The following CNBD1 variants were observed in gnomAD, a reference collection of about 807,000 sequenced individuals.
The protein encoded by CNBD1 is cyclic nucleotide binding domain containing 1.
In CNBD1, 71 loss-of-function variants were observed where a neutral mutation model predicts 54.4. That is an observed-to-expected ratio of 1.30 (90% CI 1.08 to 1.59). The LOEUF is 1.59. Ranked by LOEUF, CNBD1 falls within the 40% of genes most tolerant of loss-of-function variation. The pLI is 0.00. For missense variants in CNBD1, 659 were observed against 518.0 expected (o/e 1.27, Z -2.64); for synonymous variants, 182 against 170.7 (o/e 1.07, Z -0.51).
intron 2 of CNBD1, among the ~76,000 whole-genome samples, chr8:86,898,782 C>T (rs1288811344): frequency 6.6e-6 from 1 of 151,998 alleles, no homozygotes; most frequent in African/African-American, 2.4e-5. Context: ...AGGTAATACA[C>T]CAAAAGCATG....
chr8:87,074,644 A>C (rs1810829777), intron 4 of CNBD1, among the ~76,000 whole-genome samples: 1 of 152,160 alleles, frequency 6.6e-6, no homozygotes, highest in Admixed American at 6.5e-5. Context: ...GTGAGGTCAC[A>C]CAATCACCTG....
chr8:87,088,163 CTT>C (rs1183101456), intron 4 of CNBD1, among the ~76,000 whole-genome samples: 1 of 152,040 alleles, frequency 6.6e-6, no homozygotes, highest in Non-Finnish European at 1.5e-5. Context: ...TTTTTTTCCC[CTT>C]TGTTTCAAAG....
At chr8:87,274,891 G>T (rs865956260) in intron 6 of CNBD1, among the ~76,000 whole-genome samples, 1 of 134,392 alleles carries the variant, frequency 7.4e-6, no homozygotes, top group Non-Finnish European at 1.6e-5. Flanking sequence ...TTCTTCTAGG[G>T]TTTTTATGGT....
intron 4 of CNBD1, among the ~76,000 whole-genome samples, chr8:86,951,436 T>A (rs1807618893): frequency 6.6e-6 from 1 of 151,256 alleles, no homozygotes; most frequent in Non-Finnish European, 1.5e-5. Context: ...TAAAAGTAGC[T>A]GGGTGTGGTG....
chr8:87,280,238 G>T (rs184956753), intron 6 of CNBD1, among the ~76,000 whole-genome samples: 1 of 151,684 alleles, frequency 6.6e-6, no homozygotes, highest in Non-Finnish European at 1.5e-5. Context: ...TTGGTTTTGA[G>T]AATGCACTTT....
At chr8:86,940,885 A>G (rs1809643549) in intron 4 of CNBD1, among the ~76,000 whole-genome samples, 2 of 152,228 alleles carry the variant, frequency 1.3e-5, no homozygotes, top group East Asian at 1.9e-4. Context: ...AACTGCCTAC[A>G]GTATACAGTA....
chr8:86,883,529 C>T (rs1010921635), intron 1 of CNBD1, among the ~76,000 whole-genome samples: 5 of 152,008 alleles, frequency 3.3e-5, no homozygotes, highest in South Asian at 4.1e-4. Context: ...CAATGCTTAA[C>T]GGAAGAAGAT....
chr8:86,956,305 G>GCTAT (rs200591866), intron 4 of CNBD1, among the ~76,000 whole-genome samples: 2,982 of 152,224 alleles, frequency 0.02, 98 homozygotes, highest in African/African-American at 0.061. Flanking sequence ...GATTGTCTTG[G>GCTAT]CTATGTGTGC....
chr8:86,940,485 A>G (rs1462299154), intron 4 of CNBD1, among the ~76,000 whole-genome samples: 1 of 152,028 alleles, frequency 6.6e-6, no homozygotes, highest in Non-Finnish European at 1.5e-5. Flanking sequence ...TTAATTTTCT[A>G]GAATACTTTG....
intron 3 of CNBD1, among the ~76,000 whole-genome samples, chr8:86,916,099 A>T (rs1000918057): frequency 1.3e-5 from 2 of 152,180 alleles, no homozygotes; most frequent in Non-Finnish European, 2.9e-5. Flanking sequence ...GGAGGAAGAT[A>T]TAAAATGGAG....
intron 4 of CNBD1, among the ~76,000 whole-genome samples, chr8:86,985,917 G>GT (rs1563848211): frequency 1.3e-5 from 2 of 151,972 alleles, no homozygotes; most frequent in South Asian, 2.1e-4. Context: ...TCACCTCATT[G>GT]TTTTTTTGTT....
intron 8 of CNBD1, among the ~76,000 whole-genome samples, chr8:87,309,795 C>T (rs536247053): frequency 6.6e-6 from 1 of 152,132 alleles, no homozygotes; most frequent in South Asian, 2.1e-4. Context: ...CTGTTATCCT[C>T]TTTCTTCTAA....
chr8:87,257,739 T>C (rs1808051163), intron 6 of CNBD1, among the ~76,000 whole-genome samples: 1 of 152,144 alleles, frequency 6.6e-6, no homozygotes, highest in Admixed American at 6.6e-5. Flanking sequence ...TAAGGGGTTA[T>C]CACAGGTAAT....
chr8:87,308,631 T>C (rs931933480), intron 8 of CNBD1, among the ~76,000 whole-genome samples: 2 of 152,202 alleles, frequency 1.3e-5, no homozygotes, highest in Non-Finnish European at 2.9e-5. Flanking sequence ...TTTTGAAATA[T>C]ACAGTATATT....
At chr8:87,361,862 G>T (rs1445486071) in intron 10 of CNBD1, among the ~76,000 whole-genome samples, 1 of 151,788 alleles carries the variant, frequency 6.6e-6, no homozygotes, top group East Asian at 1.9e-4. Context: ...AAAATTCTAT[G>T]TTCCTTGAAT....
At chr8:87,184,611 G>A (rs1813434557) in intron 4 of CNBD1, among the ~76,000 whole-genome samples, 1 of 152,154 alleles carries the variant, frequency 6.6e-6, no homozygotes, top group South Asian at 2.1e-4. Flanking sequence ...GAGGTCTATG[G>A]CTAGAGTGGG....
intron 4 of CNBD1, among the ~76,000 whole-genome samples, chr8:87,135,786 A>T (rs749263330): frequency 4.0e-5 from 6 of 151,596 alleles, no homozygotes; most frequent in Non-Finnish European, 8.8e-5. Context: ...AATGATTAGC[A>T]TCCTAAAACT....
At chr8:86,969,377 G>T (rs113511480) in intron 4 of CNBD1, among the ~76,000 whole-genome samples, 2,728 of 151,984 alleles carry the variant, frequency 0.018, 29 homozygotes, top group Non-Finnish European at 0.024. Flanking sequence ...CCCATTTTTT[G>T]CAGTGTCTTT....
intron 6 of CNBD1, among the ~76,000 whole-genome samples, chr8:87,253,143 A>T (rs1807943051): frequency 6.6e-6 from 1 of 152,128 alleles, no homozygotes; most frequent in Non-Finnish European, 1.5e-5. Flanking sequence ...AAGCCAGTGG[A>T]AAGTTTGAAT....
Sources: gnomAD v4.1 joint callset for allele counts (sites outside exome capture counted in the v4.1 genomes callset) on GRCh38, gnomAD v4.1.1 for gene constraint, MANE v1.5 for transcripts, NCBI Gene and HGNC (gene_info 2026-07-23, HGNC 2026-07-21) for gene names.